The following TFB2M variants were observed in gnomAD, a reference collection of about 807,000 sequenced individuals.
TFB2M encodes dimethyladenosine transferase 2, mitochondrial.
TFB2M carries 44 observed loss-of-function variants against 41.3 expected under a neutral mutation model. The ratio of observed to expected loss-of-function variants is 1.07; its 90% CI spans 0.84 to 1.37. The LOEUF (loss-of-function observed/expected upper bound fraction) is 1.37. Among genes scored for constraint, TFB2M ranks in the 40% most tolerant of loss-of-function variants. The pLI is 0.00. For missense variants in TFB2M, 496 were observed against 490.2 expected, an observed-to-expected ratio of 1.01 and a Z score of -0.11; for synonymous variants, 188 against 176.8, an observed-to-expected ratio of 1.06 and a Z score of -0.50.
chr1:246,556,374 C>T (rs1369748653), intron 4 of TFB2M, among the ~76,000 whole-genome samples, 199 bp downstream of exon 4: 5 of 152,126 alleles, frequency 3.3e-5, no homozygotes, highest in African/African-American at 1.2e-4. Context: ...ATGGTAATGG[C>T]TGTACAATGG....
intron 5 of TFB2M, 74 bp from the exon 6 acceptor site, chr1:246,548,681 TA>T: frequency 7.3e-7 from 1 of 1,366,010 alleles, no homozygotes; most frequent in Non-Finnish European, 1.0e-6. Flanking sequence ...ATTACTTCCT[TA>T]AAAAACACCT....
chr1:246,554,053 T>C (rs536587241), intron 4 of TFB2M, among the ~76,000 whole-genome samples: 1 of 152,294 alleles, frequency 6.6e-6, no homozygotes, highest in South Asian at 2.1e-4. Context: ...TATGGTCAAA[T>C]CATTTCTGAC....
chr1:246,560,624 A>C (rs532721351), intron 2 of TFB2M, among the ~76,000 whole-genome samples: 1 of 152,374 alleles, frequency 6.6e-6, no homozygotes, highest in African/African-American at 2.4e-5. Flanking sequence ...AGCACTTGTC[A>C]GTTAACACTC....
In TFB2M at chr1:246,540,844, G is replaced by A. The variant is rs1658832928; in HGVS notation, c.*187C>T. The A allele has an allele frequency of 8.3e-6, 4 of 480,946 alleles. No homozygotes were observed. The highest frequency in any genetic ancestry group is 1.4e-5 in the Non-Finnish European group (4 of 276,598). 29.8% of individuals were successfully genotyped at this position (480,946 alleles called of 1,614,324 possible). A position where few individuals can be genotyped will look rare whatever the true frequency, so the allele number is the denominator to read the frequency against. On this transcript the variant is annotated 3_prime_UTR_variant, in exon 8 of 8. Coordinates refer to ENST00000366514, the MANE Select transcript of TFB2M (RefSeq NM_022366.3). Reference sequence around the variant, plus strand: ...TGAAGTTTTCATTTTATTCAATTGTGAATAAAATAGCAGACACTGTTTCAT... The same window carrying A: ...TGAAGTTTTCATTTTATTCAATTGTAAATAAAATAGCAGACACTGTTTCAT...
At chr1:246,561,277 T>TA (rs962914272) in intron 2 of TFB2M, among the ~76,000 whole-genome samples, 1 of 152,202 alleles carries the variant, frequency 6.6e-6, no homozygotes, top group Non-Finnish European at 1.5e-5. Flanking sequence ...AGAGCCTTAA[T>TA]AGAGAAAAAA....
intron 6 of TFB2M, among the ~76,000 whole-genome samples, chr1:246,548,284 T>C (rs1659077484): frequency 6.6e-6 from 1 of 152,198 alleles, no homozygotes; most frequent in Non-Finnish European, 1.5e-5. Context: ...ATTTGAAATG[T>C]ACCTTCATTT....
intron 1 of TFB2M, among the ~76,000 whole-genome samples, chr1:246,564,740 G>A (rs1473276778): frequency 6.6e-6 from 1 of 151,740 alleles, no homozygotes; most frequent in African/African-American, 2.4e-5. Flanking sequence ...AGTGCAGTGG[G>A]GCAATCTCGG....
At chr1:246,556,433 A>AT (rs1269133109) in intron 4 of TFB2M, 140 bp downstream of exon 4, 2 of 628,624 alleles carry the variant, frequency 3.2e-6, no homozygotes, top group African/African-American at 3.8e-5. Context: ...CAACCTGAGC[A>AT]TAAGACTGCT....
chr1:246,562,960 C>A (rs184767477), intron 2 of TFB2M, among the ~76,000 whole-genome samples: 3 of 152,074 alleles, frequency 2.0e-5, no homozygotes, highest in Non-Finnish European at 2.9e-5. Flanking sequence ...GCCCGGCCCA[C>A]AGGAAACATT....
intron 4 of TFB2M, among the ~76,000 whole-genome samples, chr1:246,552,217 G>A (rs1204171304): frequency 6.6e-6 from 1 of 152,006 alleles, no homozygotes; most frequent in East Asian, 1.9e-4. Flanking sequence ...TGGGGGTTCA[G>A]TGTGAGATGA....
chr1:246,556,779 C>A (rs1659334638), intron 3 of TFB2M, 58 bp from the exon 4 acceptor site: 1 of 1,418,806 alleles, frequency 7.0e-7, no homozygotes, highest in Non-Finnish European at 9.4e-7. Context: ...TGTCCTATGT[C>A]CATATTTTTT....
At chr1:246,550,807 C>T (rs1659154982) in intron 5 of TFB2M, among the ~76,000 whole-genome samples, 1 of 152,204 alleles carries the variant, frequency 6.6e-6, no homozygotes, top group African/African-American at 2.4e-5. Flanking sequence ...TGCTTGAATA[C>T]AGGATGTAGA....
chr1:246,565,923 C>G lies in TFB2M; in HGVS notation c.216G>C (p.Lys72Asn). ...RKASKASLDF[K>N]RYVTDRRLAE... is the part of the protein sequence containing the mutation. The stretch of plus-strand genomic sequence containing the variant: ...CCAATCTCCGATCGGTTACGTAACG[C>G]TTAAAGTCTAAGCTGGCCTTAGACG... Residue 72 changes from lysine (K) to asparagine (N), a missense_variant, in exon 1 of 8, where the codon AAG becomes AAC. Coordinates refer to ENST00000366514, the MANE Select transcript of TFB2M (RefSeq NM_022366.3). 6.2e-7 allele frequency: 1 copy of G among 1,614,204 alleles called. No homozygotes were observed. The highest frequency in any genetic ancestry group is 8.5e-7 in the Non-Finnish European group (1 of 1,180,028).
chr1:246,551,315 A>T lies in TFB2M; in HGVS notation c.706-13T>A. 1 of 1,580,098 alleles carries T rather than the reference A, an allele frequency of 6.3e-7. No individual in the cohort carries two copies. The highest frequency in any genetic ancestry group is 8.7e-7 in the Non-Finnish European group (1 of 1,149,162). On this transcript the variant is annotated splice_polypyrimidine_tract_variant and intron_variant, in intron 4 of 7. Coordinates refer to ENST00000366514, the MANE Select transcript of TFB2M (RefSeq NM_022366.3). ...CTGCCATTAGTTTCTAGTAAAAGGA[A>T]AATAAAAATTACATGTTATACACAT... is the stretch of plus-strand genomic sequence containing the variant.
intron 6 of TFB2M, among the ~76,000 whole-genome samples, chr1:246,548,215 T>C (rs777330731): frequency 3.9e-5 from 6 of 152,204 alleles, no homozygotes; most frequent in Non-Finnish European, 8.8e-5. Context: ...TAATACGTCA[T>C]AAAATTTTGT....
chr1:246,559,043 G>A (rs1021827661), intron 2 of TFB2M, among the ~76,000 whole-genome samples: 7 of 152,232 alleles, frequency 4.6e-5, no homozygotes, highest in East Asian at 1.9e-4. Context: ...AGTTATTAAT[G>A]CAAACACCTA....
Position 246,564,401 on chromosome 1 carries a change from G to A in TFB2M, c.347C>T (p.Ala116Val). ...TTCGAGCGCAACCACTTTGGCACCA[G>A]CTTCAAGTAATGCCTGAGTCAGGAT... is the stretch of plus-strand genomic sequence containing the variant. ...PGILTQALLE[A>V]GAKVVALESD... The change falls in exon 2 of 8, where the codon GCT becomes GTT. Residue 116 changes from alanine to valine, a missense_variant. By Grantham distance (64) the Ala-to-Val change is moderately conservative. Transcript: ENST00000366514. 1 of 1,614,170 alleles carries A rather than the reference G, an allele frequency of 6.2e-7. No homozygotes were observed. The highest frequency in any genetic ancestry group is 8.5e-7 in the Non-Finnish European group (1 of 1,180,008).
At chr1:246,560,404 TC>T (rs570583345) in intron 2 of TFB2M, among the ~76,000 whole-genome samples, 89 of 152,242 alleles carry the variant, frequency 5.8e-4, no homozygotes, top group African/African-American at 2.0e-3. Flanking sequence ...GTGCCTGTAA[TC>T]CCAGTTGCTT....
chr1:246,554,132 T>C (rs1219031325), intron 4 of TFB2M, among the ~76,000 whole-genome samples: 1 of 152,050 alleles, frequency 6.6e-6, no homozygotes, highest in African/African-American at 2.4e-5. Flanking sequence ...GAAAACTAGA[T>C]CAAAGAATGA....
Sources: gnomAD v4.1 joint callset for allele counts (sites outside exome capture counted in the v4.1 genomes callset) on GRCh38, gnomAD v4.1.1 for gene constraint, MANE v1.5 for transcripts, NCBI Gene and HGNC (gene_info 2026-07-23, HGNC 2026-07-21) for gene names.